Variants in RGPD2 observed in about 807,000 individuals in gnomAD.
RGPD2 encodes the protein RANBP2-like and GRIP domain-containing protein 2.
Under a neutral mutation model 36.0 loss-of-function variants are expected in RGPD2, and 2 were observed. That is an observed-to-expected ratio of 0.06 (90% CI 0.02 to 0.17). RGPD2 has a LOEUF of 0.17. RGPD2 is among the 10% of genes least tolerant of loss of function. The pLI is 1.00. For synonymous variants in RGPD2, 19 were observed against 163.8 expected (o/e 0.12, Z 6.75); for missense variants, 40 against 464.3 (o/e 0.09, Z 8.40).
the RGPD2 span, among the ~76,000 whole-genome samples, chr2:87,980,162 C>T: frequency 1.1e-4 from 16 of 152,022 alleles, no homozygotes; most frequent in East Asian, 3.1e-3. Context: ...ACCAGCCTGG[C>T]CAACATGGTG....
chr2:87,809,069 G>A (rs1686045979), intron 6 of RGPD2, among the ~76,000 whole-genome samples: 1 of 106,844 alleles, frequency 9.4e-6, no homozygotes, highest in Non-Finnish European at 2.0e-5. Context: ...ACTCTGGGAG[G>A]CTGAGGCAGG....
At chr2:87,825,533 G>GCC (rs1558739972) in intron 1 of RGPD2, 125 bp downstream of exon 1, 2 of 498,680 alleles carry the variant, frequency 4.0e-6, no homozygotes, top group Admixed American at 2.8e-4. Context: ...GGCCGAGGCC[G>GCC]AGGCCGAGGC....
the RGPD2 span, among the ~76,000 whole-genome samples, chr2:87,866,790 C>G: frequency 2.6e-5 from 4 of 151,940 alleles, no homozygotes; most frequent in Non-Finnish European, 5.9e-5. Context: ...CCAGGGCAGT[C>G]TCAGGGGCCA....
chr2:87,910,334 C>T, the RGPD2 span, among the ~76,000 whole-genome samples: 1 of 147,348 alleles, frequency 6.8e-6, no homozygotes, highest in Non-Finnish European at 1.5e-5. Context: ...CCATCCAGTA[C>T]TGCATGGAGA....
At chr2:87,910,687 A>C in the RGPD2 span, among the ~76,000 whole-genome samples, 1 of 151,922 alleles carries the variant, frequency 6.6e-6, no homozygotes, top group Non-Finnish European at 1.5e-5. Flanking sequence ...TTACAACATA[A>C]AAATTATACA....
At chr2:87,864,980 C>T in the RGPD2 span, among the ~76,000 whole-genome samples, 1 of 151,822 alleles carries the variant, frequency 6.6e-6, no homozygotes, top group African/African-American at 2.4e-5. Context: ...CGTGCAGTAC[C>T]CCAGTATGTT....
chr2:87,986,969 T>C, the RGPD2 span, among the ~76,000 whole-genome samples: 2 of 141,988 alleles, frequency 1.4e-5, no homozygotes, highest in Non-Finnish European at 3.1e-5. Flanking sequence ...AAATATATAA[T>C]ATTCAATATA....
chr2:87,799,156 CAGG>C (rs1351432985), intron 8 of RGPD2, among the ~76,000 whole-genome samples: 1 of 151,138 alleles, frequency 6.6e-6, no homozygotes. Context: ...ATCACGAGGT[CAGG>C]AGATCGAGAC....
upstream of RGPD2, among the ~76,000 whole-genome samples, chr2:87,829,521 A>G (rs1397519524): frequency 6.6e-6 from 1 of 152,154 alleles, no homozygotes; most frequent in African/African-American, 2.4e-5. Context: ...CAGAAGTTTA[A>G]TGGACTCACA....
At chr2:87,849,453 A>AT in the RGPD2 span, among the ~76,000 whole-genome samples, 4 of 152,066 alleles carry the variant, frequency 2.6e-5, no homozygotes, top group Non-Finnish European at 5.9e-5. Context: ...TAATTTTGAG[A>AT]TTTTTTTTCC....
At chr2:87,882,273 T>TTA in the RGPD2 span, among the ~76,000 whole-genome samples, 1 of 152,266 alleles carries the variant, frequency 6.6e-6, no homozygotes, top group Admixed American at 6.5e-5. Flanking sequence ...TAGTTGATTC[T>TTA]TATATAAGGG....
chr2:87,979,022 C>T, the RGPD2 span, among the ~76,000 whole-genome samples: 1 of 148,014 alleles, frequency 6.8e-6, no homozygotes, highest in Non-Finnish European at 1.5e-5. Flanking sequence ...ATTATTGAGG[C>T]CAGGAGTTTG....
At chr2:87,877,804 C>CAAA in the RGPD2 span, among the ~76,000 whole-genome samples, 574 of 84,492 alleles carry the variant, frequency 6.8e-3, 3 homozygotes, top group Middle Eastern at 9.8e-3. Context: ...GACTCCGTCT[C>CAAA]AAAAAAAAAA....
At chr2:87,972,870 G>C in the RGPD2 span, 14 of 1,611,292 alleles carry the variant, frequency 8.7e-6, no homozygotes, top group Non-Finnish European at 7.6e-6. Context: ...TTTAGCTGCT[G>C]TTGGGCCTTC....
At chr2:87,829,232 A>G (rs1330585833), upstream of RGPD2, among the ~76,000 whole-genome samples, 1 of 75,730 alleles carries the variant, frequency 1.3e-5, no homozygotes, top group African/African-American at 4.6e-5. Flanking sequence ...TTTTTTAATA[A>G]TTCTACTAAT....
the RGPD2 span, among the ~76,000 whole-genome samples, chr2:87,957,730 A>T: frequency 6.6e-6 from 1 of 152,290 alleles, no homozygotes; most frequent in African/African-American, 2.4e-5. Flanking sequence ...AACTTCAGAT[A>T]ATTGTTAAAA....
At chr2:87,824,603 C>T (rs1301122398) in intron 1 of RGPD2, among the ~76,000 whole-genome samples, 3 of 151,658 alleles carry the variant, frequency 2.0e-5, no homozygotes, top group Non-Finnish European at 2.9e-5. Context: ...TCCAAAGTTA[C>T]TCACTAGTTA....
rs199741819 is a variant in RGPD2 at position 87,756,609 on chromosome 2, G to A, written c.*783C>T. The A allele has an allele frequency of 0.27, 96,008 of 353,642 alleles. 61 individuals are homozygous for A. The highest frequency in any genetic ancestry group is 0.4 in the East Asian group (7,543 of 18,658). 21.9% of individuals were successfully genotyped at this position (353,642 alleles called of 1,614,324 possible). A position where few individuals can be genotyped will look rare whatever the true frequency, so the allele number is the denominator to read the frequency against. ...GCATCCTGGTGGGGCTCAATACACA[G>A]AGAGCTCATAAGTAGCATTTGAATA... On this transcript the variant is annotated 3_prime_UTR_variant, in exon 23 of 23. Transcript: ENST00000398146.
the RGPD2 span, among the ~76,000 whole-genome samples, chr2:87,937,720 C>T: frequency 2.6e-3 from 391 of 152,006 alleles, 1 homozygote; most frequent in African/African-American, 8.7e-3. Context: ...AGGGGACAAA[C>T]GTCCAAACTA....
Sources: allele counts gnomAD v4.1 joint callset (sites outside exome capture counted in the v4.1 genomes callset), GRCh38; gene constraint gnomAD v4.1.1; transcripts MANE v1.5; gene names NCBI Gene and HGNC (gene_info 2026-07-23, HGNC 2026-07-21).